The following CCDC7 variants were observed in gnomAD, a reference collection of about 807,000 sequenced individuals.
The protein encoded by CCDC7 is coiled-coil domain-containing protein 7.
Under a neutral mutation model 196.9 loss-of-function variants are expected in CCDC7, and 183 were observed. The ratio of observed to expected loss-of-function variants is 0.93; its 90% CI spans 0.82 to 1.05. The LOEUF (loss-of-function observed/expected upper bound fraction) is 1.05. Ranked by LOEUF, CCDC7 falls within the 50% of genes least tolerant of loss-of-function variation. The pLI is 0.00. For missense variants in CCDC7, 1,540 were observed against 1,482.2 expected (o/e 1.04, Z -0.64); for synonymous variants, 525 against 484.6 (o/e 1.08, Z -1.10).
At chr10:32,702,437 C>G (rs2078918432) in intron 24 of CCDC7, among the ~76,000 whole-genome samples, 2 of 152,114 alleles carry the variant, frequency 1.3e-5, no homozygotes, top group Admixed American at 6.6e-5. Flanking sequence ...GCTTTACTTC[C>G]AACTATGTGG....
intron 32 of CCDC7, among the ~76,000 whole-genome samples, chr10:32,827,611 C>T (rs749077819): frequency 1.0e-3 from 105 of 104,124 alleles, no homozygotes; most frequent in East Asian, 6.3e-4. Flanking sequence ...ACATGGACAC[C>T]GGGTGGGGAA....
intron 5 of CCDC7, among the ~76,000 whole-genome samples, chr10:32,469,975 A>C (rs546310092): frequency 2.0e-4 from 30 of 152,054 alleles, no homozygotes; most frequent in Non-Finnish European, 3.7e-4. Context: ...ATTATTTTTG[A>C]CTCAATTTAT....
At chr10:32,751,628 T>A (rs1184710466) in intron 28 of CCDC7, among the ~76,000 whole-genome samples, 3 of 152,178 alleles carry the variant, frequency 2.0e-5, no homozygotes, top group Non-Finnish European at 2.9e-5. Flanking sequence ...ATATATGATA[T>A]CCTGTAAATC....
At chr10:32,709,395 A>G (rs932836209) in intron 24 of CCDC7, among the ~76,000 whole-genome samples, 2 of 152,128 alleles carry the variant, frequency 1.3e-5, no homozygotes, top group Non-Finnish European at 2.9e-5. Context: ...GGTGCAGCAC[A>G]TCAACATGGC....
chr10:32,516,668 A>G (rs2047080101), intron 9 of CCDC7, among the ~76,000 whole-genome samples: 1 of 152,212 alleles, frequency 6.6e-6, no homozygotes, highest in Non-Finnish European at 1.5e-5. Flanking sequence ...CAAATAGACA[A>G]CGCAATGATT....
chr10:32,703,265 C>G lies in CCDC7; in HGVS notation c.2458+8273C>G, dbSNP rs192659570. ...TTTGTAAAGGATTTTATTTCTCCTT[C>G]ACTTATGAAGCTTAGTTTGGCTGGA... On this transcript the variant is annotated intron_variant, in intron 24 of 41. Coordinates refer to ENST00000639629, the Ensembl canonical transcript of CCDC7. 3.9e-5 allele frequency among the ~76,000 whole-genome samples: 6 copies of G among 152,184 alleles called. No homozygotes were observed. In the East Asian group the frequency reaches 1.2e-3, roughly 29 times the overall value.
chr10:32,448,259 T>C (rs1228394534), upstream of CCDC7, among the ~76,000 whole-genome samples: 1 of 152,004 alleles, frequency 6.6e-6, no homozygotes, highest in East Asian at 1.9e-4. Flanking sequence ...TGTTTGTGCT[T>C]GTCAGACATA....
chr10:32,527,403 T>C (rs371365623), intron 11 of CCDC7, among the ~76,000 whole-genome samples: 24 of 148,616 alleles, frequency 1.6e-4, no homozygotes, highest in African/African-American at 5.6e-4. Flanking sequence ...TTTTGGTTCT[T>C]CTGATGGTGC....
chr10:32,864,945 T>C (rs2094147770), intron 41 of CCDC7, among the ~76,000 whole-genome samples: 1 of 151,974 alleles, frequency 6.6e-6, no homozygotes, highest in South Asian at 2.1e-4. Context: ...CCTTGAATTC[T>C]ATCTCAAATC....
chr10:32,462,653 A>T, intron 3 of CCDC7, 30 bp from the exon 5 acceptor site: 1 of 1,383,538 alleles, frequency 7.2e-7, no homozygotes, highest in Non-Finnish European at 9.8e-7. Context: ...TTCTAATTTT[A>T]AATGTGTTAA....
chr10:32,795,551 T>C (rs892549843), intron 29 of CCDC7, among the ~76,000 whole-genome samples: 1 of 152,216 alleles, frequency 6.6e-6, no homozygotes, highest in Non-Finnish European at 1.5e-5. Flanking sequence ...ATCATCTCAT[T>C]AGCATCAGTC....
chr10:32,734,957 A>T (rs1268513659), intron 28 of CCDC7, among the ~76,000 whole-genome samples: 6 of 152,128 alleles, frequency 3.9e-5, no homozygotes, highest in East Asian at 1.9e-4. Flanking sequence ...AATAAATTTT[A>T]AAAAATGCAT....
At chr10:32,744,417 CT>C (rs1033199500) in intron 28 of CCDC7, among the ~76,000 whole-genome samples, 4 of 150,944 alleles carry the variant, frequency 2.6e-5, no homozygotes, top group Admixed American at 2.6e-4. Flanking sequence ...TCCAGAGTGG[CT>C]ATGCCATTTT....
chr10:32,564,873 A>T (rs528710310), intron 13 of CCDC7, among the ~76,000 whole-genome samples: 80 of 152,220 alleles, frequency 5.3e-4, no homozygotes, highest in African/African-American at 1.8e-3. Context: ...ATGCTTTGGA[A>T]GGCTGAGGCA....
chr10:32,464,791 G>A (rs902796959), intron 5 of CCDC7, among the ~76,000 whole-genome samples: 18 of 152,056 alleles, frequency 1.2e-4, no homozygotes, highest in African/African-American at 3.6e-4. Context: ...GATTACAGGC[G>A]TGAGCCACTG....
intron 28 of CCDC7, among the ~76,000 whole-genome samples, chr10:32,762,317 G>A (rs2077584664): frequency 6.6e-6 from 1 of 151,658 alleles, no homozygotes; most frequent in South Asian, 2.1e-4. Context: ...GCTAGCTATA[G>A]GTCCCCAGAA....
intron 20 of CCDC7, among the ~76,000 whole-genome samples, chr10:32,651,422 C>T (rs2068741063): frequency 6.6e-6 from 1 of 152,150 alleles, no homozygotes; most frequent in Non-Finnish European, 1.5e-5. Flanking sequence ...AAACTGTGAG[C>T]TCTGTCTATG....
Position 32,780,699 on chromosome 10 carries a change from G to T in CCDC7, c.3013+1615G>T, listed in dbSNP as rs1239110473. ...CAAAAAGTCAACTAAACACAAAAAA[G>T]ATGGAATTAGAGGAAATGAAGAGCA... On this transcript the variant is annotated intron_variant, in intron 29 of 41. Transcript: ENST00000639629. Among the ~76,000 whole-genome samples, 7 of 152,160 alleles carry T rather than the reference G, an allele frequency of 4.6e-5. No homozygotes were observed. The East Asian group carries it at 1.4e-3, about 29-fold the overall frequency.
intron 9 of CCDC7, among the ~76,000 whole-genome samples, chr10:32,498,930 C>A (rs1011630505): frequency 6.6e-6 from 1 of 151,728 alleles, no homozygotes; most frequent in Non-Finnish European, 1.5e-5. Flanking sequence ...TGAATGTTGG[C>A]CTGCCTTGCT....
Sources: allele counts gnomAD v4.1 joint callset (sites outside exome capture counted in the v4.1 genomes callset), GRCh38; gene constraint gnomAD v4.1.1; transcripts MANE v1.5; gene names NCBI Gene and HGNC (gene_info 2026-07-23, HGNC 2026-07-21).